Variants in ANKHD1 observed in about 807,000 individuals in gnomAD.
The protein encoded by ANKHD1 is ankyrin repeat and KH domain containing 1, also known as ankyrin repeat and KH domain-containing protein 1.
Under a neutral mutation model 230.5 loss-of-function variants are expected in ANKHD1, and 31 were observed. That is an observed-to-expected ratio of 0.13 (90% CI 0.10 to 0.18). ANKHD1 has a LOEUF of 0.18. ANKHD1 is among the 10% of genes least tolerant of loss of function. ANKHD1 has a pLI of 1.00. For synonymous variants in ANKHD1, 1,074 were observed against 1,117.6 expected (o/e 0.96, Z 0.78); for missense variants, 2,256 against 3,071.3 (o/e 0.73, Z 6.27).
intron 7 of ANKHD1, among the ~76,000 whole-genome samples, chr5:140,456,626 T>C (rs1362183315): frequency 1.3e-5 from 2 of 152,202 alleles, no homozygotes; most frequent in African/African-American, 4.8e-5. Context: ...ATTCCCTATT[T>C]AATACATGGT....
intron 7 of ANKHD1, among the ~76,000 whole-genome samples, chr5:140,452,168 G>A (rs541079890): frequency 6.6e-6 from 1 of 152,190 alleles, no homozygotes; most frequent in East Asian, 1.9e-4. Context: ...CAGCCAGGCT[G>A]GGGGAGGGGC....
Position 140,507,386 on chromosome 5 carries a change from C to T in ANKHD1, c.3552-399C>T, listed in dbSNP as rs565088200. ...GCAATGGCGCGATCTTGGCTTACCG[C>T]GAACTCTGCCTCCGGGGTTCAAGCG... On this transcript the variant is annotated intron_variant, in intron 19 of 33. Coordinates refer to ENST00000360839, the MANE Select transcript of ANKHD1 (RefSeq NM_017747.3). The surrounding 1 kb of genome is among the most constrained non-coding windows in gnomAD (Gnocchi z 4.1). Among the ~76,000 whole-genome samples, 26 of 152,342 alleles carry T rather than the reference C, an allele frequency of 1.7e-4. No individual in the cohort carries two copies. The highest frequency in any genetic ancestry group is 3.4e-4 in the Non-Finnish European group (23 of 68,026).
At chr5:140,472,038 A>G (rs1157469976) in intron 10 of ANKHD1, among the ~76,000 whole-genome samples, 1 of 152,122 alleles carries the variant, frequency 6.6e-6, no homozygotes, top group East Asian at 1.9e-4. Context: ...TTTTATTGGT[A>G]AAAAACCATA....
chr5:140,505,649 A>G, intron 17 of ANKHD1, 75 bp from the exon 18 acceptor site: 1 of 1,510,672 alleles, frequency 6.6e-7, no homozygotes, highest in South Asian at 1.4e-5. Flanking sequence ...CTAAAATACT[A>G]GAGAATTGTA....
At position 140,496,956 on chromosome 5, in the gene ANKHD1, A is replaced by G. The variant is rs751843407; in HGVS notation, c.2682A>G (p.Ser894=). 2.5e-6 allele frequency: 4 copies of G among 1,614,154 alleles called. No homozygotes were observed. Among genetic ancestry groups the G allele is most frequent in the Admixed American group, 3.3e-5 (2 of 60,014 alleles). ...GDGSLPEDHF[S]ELPQVDTILF... is the part of the protein sequence containing the mutation. ...GTAGTCTCCCAGAGGATCACTTTTC[A>G]GAGTTACCTCAGGTTGACACAATCT... The change falls in exon 15 of 34, where the codon TCA becomes TCG. Residue 894 remains serine, a synonymous_variant. Coordinates refer to ENST00000360839, the MANE Select transcript of ANKHD1 (RefSeq NM_017747.3).
chr5:140,479,249 C>T (rs1751135255), intron 10 of ANKHD1, among the ~76,000 whole-genome samples: 1 of 151,968 alleles, frequency 6.6e-6, no homozygotes, highest in African/African-American at 2.4e-5. Context: ...CCCCCCGCCT[C>T]GGCCTCCCAA....
At position 140,482,674 on chromosome 5, in the gene ANKHD1, A is replaced by G. The variant is rs1176231639; in HGVS notation, c.1870+7A>G. The stretch of plus-strand genomic sequence containing the variant: ...CAGTTTCTTATTAGCAAAGGTAAAG[A>G]AAGGGCAAGTGATCATTTCCAAGAG... On this transcript the variant is annotated splice_region_variant and intron_variant, in intron 11 of 33. Transcript: ENST00000360839. 15 of 1,610,910 alleles carry G rather than the reference A, an allele frequency of 9.3e-6. No individual in the cohort carries two copies. Among genetic ancestry groups the G allele is most frequent in the Non-Finnish European group, 1.3e-5 (15 of 1,179,086 alleles).
Position 140,506,895 on chromosome 5 carries a change from A to G in ANKHD1, c.3469A>G (p.Thr1157Ala). The G allele has an allele frequency of 6.2e-7, 1 of 1,614,144 alleles. No homozygotes were observed. Among genetic ancestry groups the G allele is most frequent in the Non-Finnish European group, 8.5e-7 (1 of 1,180,014 alleles). ...NKEHRNVSDY[T>A]PLSLAASGGY... ...AGAACATAGGAACGTATCTGATTAT[A>G]CACCACTGAGTCTAGCTGCGTCTGG... The change falls in exon 19 of 34, where the codon ACA (threonine) becomes GCA (alanine). Residue 1157 changes from threonine to alanine, a missense_variant. Transcript: ENST00000360839. The surrounding 1 kb of genome is among the most constrained non-coding windows in gnomAD (Gnocchi z 4.7).
intron 25 of ANKHD1, among the ~76,000 whole-genome samples, chr5:140,525,103 C>G (rs1488825544): frequency 6.8e-6 from 1 of 147,190 alleles, no homozygotes; most frequent in Non-Finnish European, 1.5e-5. Context: ...GTGACAGGAG[C>G]AAAACTCTGT....
At chr5:140,426,185 G>T (rs1252582965) in intron 1 of ANKHD1, among the ~76,000 whole-genome samples, 1 of 152,116 alleles carries the variant, frequency 6.6e-6, no homozygotes, top group Non-Finnish European at 1.5e-5. Flanking sequence ...GCTGGAGTAC[G>T]GTGGCATGAT....
At chr5:140,449,972 A>G (rs1312320168) in intron 7 of ANKHD1, among the ~76,000 whole-genome samples, 1 of 152,222 alleles carries the variant, frequency 6.6e-6, no homozygotes, top group African/African-American at 2.4e-5. Flanking sequence ...CTTTTAATAT[A>G]CAATTCTCTG....
intron 1 of ANKHD1, among the ~76,000 whole-genome samples, chr5:140,415,329 C>T (rs947135860): frequency 2.0e-5 from 3 of 150,164 alleles, no homozygotes; most frequent in African/African-American, 7.4e-5. Context: ...TTGCAGTGAG[C>T]TGAGATCTTG....
At chr5:140,424,388 A>G (rs915185317) in intron 1 of ANKHD1, among the ~76,000 whole-genome samples, 1 of 152,148 alleles carries the variant, frequency 6.6e-6, no homozygotes, top group Non-Finnish European at 1.5e-5. Flanking sequence ...GGTTCAAGTC[A>G]TCTTCCCGCC....
At chr5:140,419,202 T>A (rs1771661894) in intron 1 of ANKHD1, among the ~76,000 whole-genome samples, 1 of 152,032 alleles carries the variant, frequency 6.6e-6, no homozygotes, top group Admixed American at 6.6e-5. Flanking sequence ...TGGTTTTGAT[T>A]TGCATTTCCC....
rs960127753 is a variant in ANKHD1, at chr5:140,506,031, G to A, written c.3408+162G>A. 1.3e-5 allele frequency among the ~76,000 whole-genome samples: 2 copies of A among 152,140 alleles called. No individual in the cohort carries two copies. The highest frequency in any genetic ancestry group is 4.8e-5 in the African/African-American group (2 of 41,408). On this transcript the variant is annotated intron_variant, in intron 18 of 33. Transcript: ENST00000360839. This position sits in a 1 kb window ranked among gnomAD's most constrained non-coding sequence, Gnocchi z 4.7. ...GTCTCCCAGGCTAGAGTACAGTGGT[G>A]CAATTACAGCTCGCTATAACCTTGA...
chr5:140,522,628 T>G (rs946223780), intron 24 of ANKHD1, among the ~76,000 whole-genome samples: 4 of 152,230 alleles, frequency 2.6e-5, no homozygotes, highest in Admixed American at 6.5e-5. Flanking sequence ...GAATTATAAA[T>G]AAGTATACAG....
At chr5:140,538,284 A>G (rs1439794915) in intron 32 of ANKHD1, 23 bp downstream of exon 32, 2 of 1,610,456 alleles carry the variant, frequency 1.2e-6, no homozygotes, top group South Asian at 2.2e-5. Context: ...ACATCACTGT[A>G]ACTTGATTGA....
At chr5:140,438,102 T>C (rs1051797022) in intron 2 of ANKHD1, among the ~76,000 whole-genome samples, 1 of 152,180 alleles carries the variant, frequency 6.6e-6, no homozygotes, top group African/African-American at 2.4e-5. Context: ...CTACTGAAAA[T>C]AGTAAAGACA....
At position 140,436,142 on chromosome 5, in the gene ANKHD1, C is replaced by T. The variant is rs1241092964; in HGVS notation, c.345C>T (p.Asn115=). 1.3e-6 allele frequency: 2 copies of T among 1,598,926 alleles called. No individual in the cohort carries two copies. The highest frequency in any genetic ancestry group is 1.7e-6 in the Non-Finnish European group (2 of 1,173,272). ...SFILDQEDLD[N]PVLKTTSEIF... ...TTTTGGACCAAGAAGATCTGGATAA[C>T]CCAGTGCTTAAAACAACATCAGAGA... is the stretch of plus-strand genomic sequence containing the variant. The change falls in exon 2 of 34, where the codon AAC becomes AAT. Residue 115 remains asparagine, a synonymous_variant. Transcript: ENST00000360839.
Sources: gnomAD v4.1 joint callset for allele counts (sites outside exome capture counted in the v4.1 genomes callset) on GRCh38, gnomAD v4.1.1 for gene constraint, Gnocchi (gnomAD v3.1) non-coding constraint, MANE v1.5 for transcripts, NCBI Gene and HGNC (gene_info 2026-07-23, HGNC 2026-07-21) for gene names.